ADD2: variants seen among roughly 807,000 people sequenced by gnomAD.
ADD2 encodes the protein adducin 2, also known as beta-adducin.
ADD2 carries 23 observed loss-of-function variants against 83.0 expected under a neutral mutation model. The ratio of observed to expected loss-of-function variants is 0.28; its 90% CI spans 0.20 to 0.39. The LOEUF (loss-of-function observed/expected upper bound fraction) is 0.39, where lower values mean the gene tolerates loss of function less well. Among genes scored for constraint, ADD2 ranks in the 10% least tolerant of loss-of-function variants. The pLI is 1.00. For missense variants in ADD2, 758 were observed against 944.9 expected (o/e 0.80, Z 2.59); for synonymous variants, 375 against 375.4 (o/e 1.00, Z 0.01).
chr2:70,687,979 G>T (rs782179056), intron 9 of ADD2, 45 bp downstream of exon 9: 1 of 1,517,078 alleles, frequency 6.6e-7, no homozygotes, highest in Non-Finnish European at 9.2e-7. Flanking sequence ...ACAGGCCCCT[G>T]TCAGAGCCCA....
chr2:70,674,736 A>G lies in ADD2; in HGVS notation c.1683T>C (p.Thr561=). The G allele has an allele frequency of 6.2e-7, 1 of 1,614,012 alleles. No individual in the cohort carries two copies. The highest frequency in any genetic ancestry group is 1.1e-5 in the South Asian group (1 of 91,070). The change falls in exon 14 of 16, where the codon ACT becomes ACC. Residue 561 remains threonine, a synonymous_variant. Transcript: ENST00000264436. ...ETVPNPFSQL[T]DQELEEYKKE... is the part of the protein sequence containing the mutation. The stretch of plus-strand genomic sequence containing the variant: ...TCTTGTACTCCTCCAACTCCTGGTC[A>G]GTGAGTTGGCTGAAGGGGTTGGGCA...
rs1218550248 is a variant in ADD2 at position 70,682,019 on chromosome 2, A to G, written c.1125+1572T>C. Among the ~76,000 whole-genome samples the G allele has an allele frequency of 3.3e-5, 5 of 152,278 alleles. No homozygotes were observed. In the East Asian group the frequency reaches 5.8e-4, roughly 18 times the overall value. On this transcript the variant is annotated intron_variant, in intron 10 of 15. Coordinates refer to ENST00000264436, the MANE Select transcript of ADD2 (RefSeq NM_001617.4). ...ACAGGTATGAGCCACCATACTGGACAGATCAAAAGTTTTTATCCTTTGATG... is the reference window on the plus strand; with the variant it reads ...ACAGGTATGAGCCACCATACTGGACGGATCAAAAGTTTTTATCCTTTGATG...
Position 70,676,713 on chromosome 2 carries a change from G to A in ADD2, c.1593+83C>T. On this transcript the variant is annotated intron_variant, in intron 13 of 15. Transcript: ENST00000264436. This position sits in a 1 kb window ranked among gnomAD's most constrained non-coding sequence, Gnocchi z 4.8. ...GGGGAAGGTGGGTATGAGGACTCAG[G>A]GGTCCTGCAACCCAGCCCCAGGCAC... The A allele has an allele frequency of 6.3e-7, 1 of 1,589,294 alleles. No homozygotes were observed. The highest frequency in any genetic ancestry group is 8.6e-7 in the Non-Finnish European group (1 of 1,166,676).
At chr2:70,750,891 C>A (rs569881227) in intron 1 of ADD2, among the ~76,000 whole-genome samples, 3 of 152,254 alleles carry the variant, frequency 2.0e-5, no homozygotes, top group African/African-American at 7.2e-5. Flanking sequence ...ACACTGAGAC[C>A]TGGCCATGTA....
intron 4 of ADD2, 51 bp downstream of exon 4, chr2:70,704,270 C>A: frequency 8.1e-7 from 1 of 1,228,714 alleles, no homozygotes; most frequent in South Asian, 1.4e-5. Context: ...TCTTCCCCAC[C>A]CCACCCTCCC....
chr2:70,730,334 C>T (rs1170280748), intron 1 of ADD2, among the ~76,000 whole-genome samples: 1 of 152,232 alleles, frequency 6.6e-6, no homozygotes, highest in Non-Finnish European at 1.5e-5. Context: ...CTTCAAAAGG[C>T]AGACCCCCTC....
chr2:70,726,406 G>A (rs1553378297), intron 1 of ADD2, among the ~76,000 whole-genome samples: 1 of 152,096 alleles, frequency 6.6e-6, no homozygotes, highest in East Asian at 1.9e-4. Flanking sequence ...ATCAATCAAT[G>A]CTTCTGAATT....
rs146289331 is a variant in ADD2 at position 70,767,964 on chromosome 2, T to C, written c.-232A>G. ...TATTTTATGGGTTTGGGGGGTGGGG[T>C]GCGCTTAAAAAATCCACCCAGCTAA... On this transcript the variant is annotated 5_prime_UTR_variant, in exon 1 of 16. Transcript: ENST00000264436. The C allele has an allele frequency of 1.4e-4, 213 of 1,535,308 alleles. 1 individual carries two copies. The African/African-American group carries it at 2.6e-3, about 19-fold the overall frequency.
In ADD2 at chr2:70,663,408, C is replaced by T; in HGVS notation, c.*17G>A. The T allele has an allele frequency of 6.2e-7, 1 of 1,603,914 alleles. No homozygotes were observed. Among genetic ancestry groups the T allele is most frequent in the Non-Finnish European group, 8.5e-7 (1 of 1,174,728 alleles). ...AGGAGAGAGAGGAGGCAGGAGGGAG[C>T]CCAAGGGTGTCATGAATCAGGACTC... On this transcript the variant is annotated 3_prime_UTR_variant, in exon 16 of 16. Coordinates refer to ENST00000264436, the MANE Select transcript of ADD2 (RefSeq NM_001617.4).
intron 1 of ADD2, among the ~76,000 whole-genome samples, chr2:70,765,928 A>G (rs1330763622): frequency 6.6e-6 from 1 of 152,220 alleles, no homozygotes; most frequent in Non-Finnish European, 1.5e-5. Flanking sequence ...ATAAATAAAT[A>G]TATCTACTAG....
At chr2:70,717,879 C>T (rs1455679214) in intron 1 of ADD2, 1 of 152,192 alleles carries the variant, frequency 6.6e-6, no homozygotes, top group Non-Finnish European at 1.5e-5. Context: ...TCAAATGCTT[C>T]TGAATTTTAC....
In ADD2 at chr2:70,692,546, C is replaced by T. The variant is rs373931206; in HGVS notation, c.562G>A (p.Val188Met). Residue 188 changes from valine to methionine, a missense_variant, in exon 7 of 16, where the codon GTG (valine) becomes ATG (methionine). Val to Met is a conservative substitution (Grantham distance 21). This residue lies in a region of ADD2 where 394 missense variants were observed against 509.3 expected (regional missense o/e 0.77). Coordinates refer to ENST00000264436, the MANE Select transcript of ADD2 (RefSeq NM_001617.4). Reference sequence around the variant, plus strand: ...TCCACCACCTCTCCCAGAATGTTCACCTTGATCTGCGCCAGGGAAGAAGAG... The same window carrying T: ...TCCACCACCTCTCCCAGAATGTTCATCTTGATCTGCGCCAGGGAAGAAGAG... ...SEVTASSLIK[V>M]NILGEVVEKG... The T allele has an allele frequency of 5.6e-6, 9 of 1,603,006 alleles. No individual in the cohort carries two copies. Among genetic ancestry groups the T allele is most frequent in the African/African-American group, 2.7e-5 (2 of 74,614 alleles).
chr2:70,733,511 C>T (rs1012563230), intron 1 of ADD2, among the ~76,000 whole-genome samples: 2 of 152,184 alleles, frequency 1.3e-5, no homozygotes, highest in African/African-American at 2.4e-5. Context: ...GCTTATCAAG[C>T]GCTGAGTTTA....
At chr2:70,702,340 T>C (rs1161689828) in intron 4 of ADD2, among the ~76,000 whole-genome samples, 1 of 152,134 alleles carries the variant, frequency 6.6e-6, no homozygotes, top group Non-Finnish European at 1.5e-5. Context: ...CTAATTTTTA[T>C]ATTTTTAGTA....
Position 70,762,691 on chromosome 2 carries a change from T to A in ADD2, c.-154+5195A>T, listed in dbSNP as rs1300447605. Among the ~76,000 whole-genome samples, 3 of 150,228 alleles carry A rather than the reference T, an allele frequency of 2.0e-5. 1 individual carries two copies. Among genetic ancestry groups the A allele is most frequent in the African/African-American group, 7.3e-5 (3 of 40,818 alleles). On this transcript the variant is annotated intron_variant, in intron 1 of 15. Coordinates refer to ENST00000264436, the MANE Select transcript of ADD2 (RefSeq NM_001617.4). ...AAAGGACATAGCAAAAGGAAAGCGG[T>A]CAAAAATTTCATTTTCTTTTTTTTT...
chr2:70,694,662 C>A (rs1343563837), intron 6 of ADD2, among the ~76,000 whole-genome samples: 1 of 152,132 alleles, frequency 6.6e-6, no homozygotes, highest in Non-Finnish European at 1.5e-5. Flanking sequence ...TGATCTAAGT[C>A]TGCTTACCCC....
intron 2 of ADD2, chr2:70,711,111 A>G (rs1672156333): frequency 6.6e-6 from 1 of 152,238 alleles, no homozygotes; most frequent in African/African-American, 2.4e-5. Context: ...GTCAACCTCG[A>G]TATCACAAAA....
chr2:70,761,056 C>T (rs1323356619), intron 1 of ADD2, among the ~76,000 whole-genome samples: 6 of 152,262 alleles, frequency 3.9e-5, no homozygotes, highest in Admixed American at 2.0e-4. Context: ...AATATACTAT[C>T]TTTCCTGAAA....
chr2:70,735,665 C>T (rs3771416), intron 1 of ADD2, among the ~76,000 whole-genome samples: 8,927 of 151,716 alleles, frequency 0.059, 337 homozygotes, highest in East Asian at 0.17. Flanking sequence ...TCCCCACACC[C>T]ATGTTCACCT....
Sources: allele counts gnomAD v4.1 joint callset (sites outside exome capture counted in the v4.1 genomes callset), GRCh38; gene constraint gnomAD v4.1.1; regional missense constraint gnomAD v4.1.1; non-coding constraint Gnocchi (gnomAD v3.1); transcripts MANE v1.5; gene names NCBI Gene and HGNC (gene_info 2026-07-23, HGNC 2026-07-21).